CLTCL1: variants seen among roughly 807,000 people sequenced by gnomAD.
CLTCL1 encodes clathrin heavy chain 2.
CLTCL1 carries 159 observed loss-of-function variants against 190.0 expected under a neutral mutation model. The observed-to-expected ratio is 0.84, with a 90% CI of 0.74 to 0.95. The LOEUF (loss-of-function observed/expected upper bound fraction) is 0.95, where lower values mean the gene tolerates loss of function less well. CLTCL1 is among the 40% of genes least tolerant of loss of function. The pLI is 0.00. For missense variants in CLTCL1, 1,878 were observed against 2,033.4 expected (o/e 0.92, Z 1.47); for synonymous variants, 752 against 769.6 (o/e 0.98, Z 0.38).
At chr22:19,182,917 A>G (rs1358416895) in intron 30 of CLTCL1, 1 of 192,786 alleles carries the variant, frequency 5.2e-6, no homozygotes, top group African/African-American at 2.4e-5. Flanking sequence ...TCCTCCCTAT[A>G]GCTGTTAGAA....
At chr22:19,255,597 C>A (rs1055291461) in intron 2 of CLTCL1, among the ~76,000 whole-genome samples, 1 of 150,608 alleles carries the variant, frequency 6.6e-6, no homozygotes, top group Non-Finnish European at 1.5e-5. Context: ...ATACTAGCAG[C>A]AAACAATTTG....
intron 2 of CLTCL1, among the ~76,000 whole-genome samples, chr22:19,274,517 A>T: frequency 6.6e-6 from 1 of 152,196 alleles, no homozygotes; most frequent in East Asian, 1.9e-4. Flanking sequence ...ACAAGGGAAA[A>T]GGTAGGGTTG....
rs144151689 is a variant in CLTCL1 at position 19,234,780 on chromosome 22, C to T, written c.970-74G>A. 3,130 of 1,310,112 alleles carry T rather than the reference C, an allele frequency of 2.4e-3. 8 individuals are homozygous for T. Among genetic ancestry groups the T allele is most frequent in the Non-Finnish European group, 3.0e-3 (2,772 of 921,560 alleles). The allele number at this position is 1,310,112 out of a possible 1,614,324, so 81.2% of individuals were successfully genotyped here. On this transcript the variant is annotated intron_variant, in intron 6 of 32. Transcript: ENST00000427926. ...ACCATCCCTCTGCCATGTTCCCTTC[C>T]GATGCTGGAGTGGTAGCCACATTCT...
rs1555990628 is a variant in CLTCL1 at position 19,287,240 on chromosome 22, A to T, written c.42+4360T>A. ...CCCTGAGCTCACAATCCAGCAGAGAAAATGAACAGCTACAGTACCCTGGGA... is the reference window on the plus strand; with the variant it reads ...CCCTGAGCTCACAATCCAGCAGAGATAATGAACAGCTACAGTACCCTGGGA... On this transcript the variant is annotated intron_variant, in intron 1 of 32. Transcript: ENST00000427926. Among the ~76,000 whole-genome samples the T allele has an allele frequency of 1.5e-4, 23 of 152,222 alleles. 1 individual carries two copies.
intron 1 of CLTCL1, among the ~76,000 whole-genome samples, chr22:19,288,091 C>T (rs1207774520): frequency 1.3e-5 from 2 of 152,142 alleles, no homozygotes; most frequent in African/African-American, 4.8e-5. Flanking sequence ...CTCCTCTGCC[C>T]AGCATATCCA....
intron 22 of CLTCL1, 169 bp downstream of exon 22, chr22:19,207,985 A>G (rs1316439803): frequency 1.4e-6 from 1 of 724,582 alleles, no homozygotes; most frequent in Non-Finnish European, 2.5e-6. Flanking sequence ...TGGACAATAA[A>G]TGTAATGCAC....
chr22:19,222,726 G>A lies in CLTCL1; in HGVS notation c.2376C>T (p.Tyr792=), dbSNP rs1398331969. ...GFVHDLVLYL[Y]RNNLQRYIEI... ...CAATGTACCTCTGCAGGTTGTTGCG[G>A]TATAAATATAGGACAAGGTCATGGA... The change falls in exon 15 of 33, where the codon TAC becomes TAT. Residue 792 remains tyrosine, a synonymous_variant. Coordinates refer to ENST00000427926, the MANE Select transcript of CLTCL1 (RefSeq NM_007098.4). The A allele has an allele frequency of 6.3e-7, 1 of 1,595,624 alleles. No individual in the cohort carries two copies. The highest frequency in any genetic ancestry group is 1.8e-5 in the Admixed American group (1 of 56,954).
chr22:19,289,993 A>G (rs1420059682), intron 1 of CLTCL1, among the ~76,000 whole-genome samples: 1 of 152,236 alleles, frequency 6.6e-6, no homozygotes, highest in Non-Finnish European at 1.5e-5. Flanking sequence ...AATGCACAGC[A>G]GCCTCAAAGA....
chr22:19,201,958 C>A (rs1415620939), intron 22 of CLTCL1, among the ~76,000 whole-genome samples: 1 of 152,108 alleles, frequency 6.6e-6, no homozygotes, highest in African/African-American at 2.4e-5. Context: ...GGACCTTGTT[C>A]TTCTCACAAG....
At chr22:19,241,161 G>A (rs1435484625) in intron 4 of CLTCL1, among the ~76,000 whole-genome samples, 5 of 152,236 alleles carry the variant, frequency 3.3e-5, no homozygotes, top group Non-Finnish European at 7.3e-5. Flanking sequence ...CTCCAGCTCG[G>A]CTGGAGGGGC....
chr22:19,241,030 C>T (rs2145943271), intron 4 of CLTCL1, among the ~76,000 whole-genome samples: 1 of 152,362 alleles, frequency 6.6e-6, no homozygotes, highest in South Asian at 2.1e-4. Context: ...CAGGACCCCA[C>T]ACCCACCCTG....
intron 2 of CLTCL1, among the ~76,000 whole-genome samples, chr22:19,274,935 T>C (rs8135444): frequency 0.071 from 10,805 of 151,824 alleles, 467 homozygotes; most frequent in Middle Eastern, 0.17. Context: ...TCCATGTTGG[T>C]CAGGCTAGTC....
chr22:19,209,335 A>G (rs1439299609), intron 20 of CLTCL1: 1 of 459,042 alleles, frequency 2.2e-6, no homozygotes, highest in African/African-American at 2.0e-5. Context: ...AGACACTCCA[A>G]TAAAGAGGCA....
At chr22:19,265,088 C>T (rs532384236) in intron 2 of CLTCL1, among the ~76,000 whole-genome samples, 14 of 152,000 alleles carry the variant, frequency 9.2e-5, no homozygotes, top group Non-Finnish European at 1.8e-4. Context: ...CGTGCCCAGC[C>T]GAAATTTGAT....
At chr22:19,215,402 C>T (rs1384931363) in intron 19 of CLTCL1, among the ~76,000 whole-genome samples, 1 of 152,234 alleles carries the variant, frequency 6.6e-6, no homozygotes, top group Admixed American at 6.5e-5. Flanking sequence ...CACAGAATCT[C>T]TGATGGTGAA....
In CLTCL1 at chr22:19,283,991, C is replaced by CAA. The variant is rs1221211147; in HGVS notation, c.42+7607_42+7608dup. Among the ~76,000 whole-genome samples the CAA allele has an allele frequency of 3.2e-3, 202 of 62,390 alleles. 2 individuals are homozygous for CAA. Among genetic ancestry groups the CAA allele is most frequent in the African/African-American group, 9.5e-3 (160 of 16,858 alleles). The allele number at this position is 62,390 out of a possible 152,430, so 40.9% of individuals were successfully genotyped here. On this transcript the variant is annotated intron_variant, in intron 1 of 32. Transcript: ENST00000427926. ...TGGGTGACAGAGACAGACCCTGTCT[C>CAA]AAAAAAAAAAAAAAAAAAAAATCTG...
intron 1 of CLTCL1, among the ~76,000 whole-genome samples, chr22:19,287,998 A>C (rs989796075): frequency 6.6e-6 from 1 of 152,160 alleles, no homozygotes; most frequent in Admixed American, 6.5e-5. Flanking sequence ...CCCCAGAAAT[A>C]AACAATTCAT....
chr22:19,218,922 AG>A (rs1180879453), intron 18 of CLTCL1, among the ~76,000 whole-genome samples: 6 of 152,186 alleles, frequency 3.9e-5, no homozygotes, highest in African/African-American at 1.4e-4. Flanking sequence ...AAGGGAAGTC[AG>A]CTGAGACAAC....
At position 19,220,021 on chromosome 22, in the gene CLTCL1, A is replaced by G; in HGVS notation, c.2797-14T>C. On this transcript the variant is annotated splice_polypyrimidine_tract_variant and intron_variant, in intron 17 of 32. Coordinates refer to ENST00000427926, the MANE Select transcript of CLTCL1 (RefSeq NM_007098.4). ...CTCATTGCACACCTGAAATGAGCAC[A>G]CTCATGTGTGTGACACAGCAGCCAA... The G allele has an allele frequency of 6.2e-7, 1 of 1,613,780 alleles. No individual in the cohort carries two copies. The highest frequency in any genetic ancestry group is 8.5e-7 in the Non-Finnish European group (1 of 1,179,864).
Sources: allele counts gnomAD v4.1 joint callset (sites outside exome capture counted in the v4.1 genomes callset), GRCh38; gene constraint gnomAD v4.1.1; transcripts MANE v1.5; gene names NCBI Gene and HGNC (gene_info 2026-07-23, HGNC 2026-07-21).